LTA4H: variants seen among roughly 807,000 people sequenced by gnomAD.
LTA4H encodes leukotriene A4 hydrolase, also known as leukotriene A-4 hydrolase.
LTA4H carries 59 observed loss-of-function variants against 89.8 expected under a neutral mutation model. The ratio of observed to expected loss-of-function variants is 0.66; its 90% CI spans 0.53 to 0.82. The LOEUF (loss-of-function observed/expected upper bound fraction) is 0.82, where lower values mean the gene tolerates loss of function less well. Among genes scored for constraint, LTA4H ranks in the 40% least tolerant of loss-of-function variants. LTA4H has a pLI of 0.00. For missense variants in LTA4H, 617 were observed against 727.0 expected (o/e 0.85, Z 1.74); for synonymous variants, 227 against 253.1 (o/e 0.90, Z 0.98).
At chr12:96,034,565 A>G (rs1950614427) in intron 1 of LTA4H, among the ~76,000 whole-genome samples, 1 of 152,236 alleles carries the variant, frequency 6.6e-6, no homozygotes, top group Non-Finnish European at 1.5e-5. Context: ...TGAACGTCCC[A>G]TCCGTTCTTA....
At chr12:96,029,609 A>C (rs1197129496) in intron 1 of LTA4H, among the ~76,000 whole-genome samples, 4 of 152,220 alleles carry the variant, frequency 2.6e-5, no homozygotes, top group Non-Finnish European at 5.9e-5. Flanking sequence ...TTCGTTAAGC[A>C]AATCAGCAAA....
chr12:96,021,303 A>C (rs901766444), intron 5 of LTA4H, among the ~76,000 whole-genome samples, 166 bp from the exon 6 acceptor site: 4 of 152,222 alleles, frequency 2.6e-5, no homozygotes, highest in Non-Finnish European at 2.9e-5. Flanking sequence ...CATCTTTAAC[A>C]TATAGCTTAA....
At position 96,001,005 on chromosome 12, in the gene LTA4H, T is replaced by A. The variant is rs749799076; in HGVS notation, c.1820A>T (p.Asp607Val). ...HPVTAMLVGK[D>V]LKVD is the part of the protein sequence containing the mutation. The stretch of plus-strand genomic sequence containing the variant: ...CGCAGGTCTTTAATCCACTTTTAAG[T>A]CTTTCCCCACCAGCATTGCAGTCAC... Residue 607 changes from aspartate (D) to valine (V), a missense_variant, in exon 19 of 19, where the codon GAC (aspartate) becomes GTC (valine). This residue lies in a region of LTA4H where 290 missense variants were observed against 339.1 expected (regional missense o/e 0.86). Coordinates refer to ENST00000228740, the MANE Select transcript of LTA4H (RefSeq NM_000895.3). 2 of 1,612,910 alleles carry A rather than the reference T, an allele frequency of 1.2e-6. No homozygotes were observed. The highest frequency in any genetic ancestry group is 3.3e-5 in the Admixed American group (2 of 60,000).
chr12:96,013,948 C>G (rs1250934937), intron 12 of LTA4H, 95 bp from the exon 13 acceptor site: 2 of 609,814 alleles, frequency 3.3e-6, no homozygotes, highest in East Asian at 2.9e-5. Context: ...CCACAGAGAA[C>G]AGAGAACATT....
chr12:96,035,271 G>A, intron 1 of LTA4H, 90 bp downstream of exon 1: 2 of 1,370,228 alleles, frequency 1.5e-6, no homozygotes, highest in South Asian at 2.8e-5. Flanking sequence ...CCGCGGCGGG[G>A]TGAGCCGGAG....
At chr12:96,036,111 G>GAA (rs1950644250), upstream of LTA4H, among the ~76,000 whole-genome samples, 1 of 152,048 alleles carries the variant, frequency 6.6e-6, no homozygotes, top group Non-Finnish European at 1.5e-5. Context: ...ATTGTTTTTT[G>GAA]TTTTTAGCTG....
chr12:96,020,096 A>G (rs2136898253), intron 6 of LTA4H, among the ~76,000 whole-genome samples: 1 of 151,596 alleles, frequency 6.6e-6, no homozygotes, highest in Admixed American at 6.6e-5. Flanking sequence ...TAGAGACATG[A>G]TCTCACTTAT....
intron 13 of LTA4H, 43 bp downstream of exon 13, chr12:96,013,707 G>A: frequency 2.0e-6 from 2 of 982,988 alleles, no homozygotes; most frequent in Non-Finnish European, 3.2e-6. Flanking sequence ...AATAAATAGA[G>A]ATATATCGAG....
In LTA4H at chr12:96,035,366, T is replaced by C. The variant is rs1425341390; in HGVS notation, c.154A>G (p.Ser52Gly). Residue 52 changes from serine to glycine, a missense_variant, in exon 1 of 19, where the codon AGC becomes GGC. This residue lies in a region of LTA4H where 155 missense variants were observed against 143.3 expected (regional missense o/e 1.08). Transcript: ENST00000228740. ...TVQSQEDNLRSLVLDTKDLTI... is the reference protein window; with the variant it reads ...TVQSQEDNLRGLVLDTKDLTI... Reference sequence around the variant, plus strand: ...GGGCAGGCGCCCCACTGTACCAGGCTGCGCAGATTGTCCTCCTGAGACTGG... The same window carrying C: ...GGGCAGGCGCCCCACTGTACCAGGCCGCGCAGATTGTCCTCCTGAGACTGG... 3.7e-6 allele frequency: 6 copies of C among 1,607,970 alleles called. No individual in the cohort carries two copies. Among genetic ancestry groups the C allele is most frequent in the Non-Finnish European group, 5.1e-6 (6 of 1,177,166 alleles).
upstream of LTA4H, among the ~76,000 whole-genome samples, chr12:96,036,004 G>A (rs990440558): frequency 9.2e-5 from 14 of 152,316 alleles, no homozygotes; most frequent in African/African-American, 2.2e-4. Context: ...CTATCAGAAG[G>A]CTTTCTTTCG....
rs1950633037 is a variant in LTA4H at position 96,035,582 on chromosome 12, A to T, written c.-63T>A. The T allele has an allele frequency of 6.6e-7, 1 of 1,522,248 alleles. No individual in the cohort carries two copies. The highest frequency in any genetic ancestry group is 1.2e-5 in the South Asian group (1 of 81,480). The allele number at this position is 1,522,248 out of a possible 1,614,324, so 94.3% of individuals were successfully genotyped here. A position where few individuals can be genotyped will look rare whatever the true frequency, so the allele number is the denominator to read the frequency against. ...CAACGCTCAGCTACCAGACTCGTCG[A>T]TAGAGAACCTGAGGAGGAGGGAGAG... On this transcript the variant is annotated 5_prime_UTR_variant, in exon 1 of 19. Coordinates refer to ENST00000228740, the MANE Select transcript of LTA4H (RefSeq NM_000895.3).
At position 96,035,491 on chromosome 12, in the gene LTA4H, A is replaced by C. The variant is rs1950630918; in HGVS notation, c.29T>G (p.Leu10Trp). The C allele has an allele frequency of 6.2e-7, 1 of 1,608,476 alleles. No homozygotes were observed. The highest frequency in any genetic ancestry group is 1.1e-5 in the South Asian group (1 of 89,920). Residue 10 changes from leucine to tryptophan, a missense_variant, in exon 1 of 19, where the codon TTG becomes TGG. By Grantham distance (61) the Leu-to-Trp change is moderately conservative. Around this residue, in one of 3 missense-constraint regions of LTA4H, gnomAD observed 155 missense variants for 143.3 expected, o/e 1.08. Coordinates refer to ENST00000228740, the MANE Select transcript of LTA4H (RefSeq NM_000895.3). Reference sequence around the variant, plus strand: ...CCGGCAGACGGAAGCCGGAGAGGCCAACGAACAGGTATCCACTATCTCGGG... The same window carrying C: ...CCGGCAGACGGAAGCCGGAGAGGCCCACGAACAGGTATCCACTATCTCGGG... The part of the protein sequence containing the change: MPEIVDTCS[L>W]ASPASVCRTK...
intron 18 of LTA4H, among the ~76,000 whole-genome samples, chr12:96,001,910 A>T (rs938232450): frequency 6.6e-6 from 1 of 150,964 alleles, no homozygotes; most frequent in African/African-American, 2.4e-5. Flanking sequence ...GGAGCTGGAG[A>T]GCAATGGCGC....
At chr12:96,034,740 C>CA (rs905683771) in intron 1 of LTA4H, among the ~76,000 whole-genome samples, 8 of 152,216 alleles carry the variant, frequency 5.3e-5, no homozygotes, top group African/African-American at 1.9e-4. Context: ...GAACGACTAG[C>CA]AGGGAGATCC....
intron 6 of LTA4H, among the ~76,000 whole-genome samples, chr12:96,020,374 CA>C (rs1318735333): frequency 1.3e-5 from 2 of 152,156 alleles, no homozygotes; most frequent in Non-Finnish European, 2.9e-5. Flanking sequence ...AAGCCAGACA[CA>C]AAGAGATAAA....
At chr12:96,023,006 G>A (rs189443162) in intron 4 of LTA4H, among the ~76,000 whole-genome samples, 34 of 152,232 alleles carry the variant, frequency 2.2e-4, no homozygotes, top group African/African-American at 7.2e-4. Flanking sequence ...AAATCCATAC[G>A]GAAAAGACCC....
At chr12:96,040,967 C>T (rs1012809983) in intron 1 of LTA4H, among the ~76,000 whole-genome samples, 8 of 152,278 alleles carry the variant, frequency 5.3e-5, no homozygotes, top group South Asian at 2.1e-4. Context: ...CTAATGTAAT[C>T]ATCTCACTCC....
Position 96,015,157 on chromosome 12 carries a change from G to A in LTA4H, c.1060-158C>T, listed in dbSNP as rs958039312. ...TAGGATATGTTGGCATAAACTTCTG[G>A]AAGTCTATTAATAGAATGCTTACTT... On this transcript the variant is annotated intron_variant, in intron 11 of 18. Transcript: ENST00000228740. The A allele has an allele frequency of 5.2e-6, 3 of 576,308 alleles. No individual in the cohort carries two copies. The Admixed American group carries it at 1.0e-4, about 20-fold the overall frequency. The allele number at this position is 576,308 out of a possible 1,614,324, so 35.7% of individuals were successfully genotyped here. A position where few individuals can be genotyped will look rare whatever the true frequency, so the allele number is the denominator to read the frequency against.
At chr12:96,030,138 T>C (rs1950556916) in intron 1 of LTA4H, among the ~76,000 whole-genome samples, 1 of 152,230 alleles carries the variant, frequency 6.6e-6, no homozygotes, top group Non-Finnish European at 1.5e-5. Context: ...TTATGGACTA[T>C]GTCATCTGGT....
Sources: allele counts gnomAD v4.1 joint callset (sites outside exome capture counted in the v4.1 genomes callset), GRCh38; gene constraint gnomAD v4.1.1; regional missense constraint gnomAD v4.1.1; transcripts MANE v1.5; gene names NCBI Gene and HGNC (gene_info 2026-07-23, HGNC 2026-07-21).